Variants in DCLK1 observed in about 807,000 individuals in gnomAD.
DCLK1 encodes the protein serine/threonine-protein kinase DCLK1.
Under a neutral mutation model 86.2 loss-of-function variants are expected in DCLK1, and 16 were observed. That is an observed-to-expected ratio of 0.19 (90% CI 0.13 to 0.28). The LOEUF is 0.28. Among genes scored for constraint, DCLK1 ranks in the 10% least tolerant of loss-of-function variants. The probability of loss-of-function intolerance (pLI) is 1.00; values close to 1 mark genes in which losing one functional copy is unlikely to be tolerated. For synonymous variants in DCLK1, 369 were observed against 370.5 expected (o/e 1.00, Z 0.05); for missense variants, 590 against 940.2 (o/e 0.63, Z 4.87).
At chr13:35,957,263 A>G (rs1878037398) in intron 3 of DCLK1, among the ~76,000 whole-genome samples, 1 of 152,134 alleles carries the variant, frequency 6.6e-6, no homozygotes, top group Non-Finnish European at 1.5e-5. Flanking sequence ...ACCAAACCCA[A>G]CCCATAAAAT....
At position 36,123,972 on chromosome 13, in the gene DCLK1, C is replaced by T. The variant is rs1342056359; in HGVS notation, c.376+1790G>A. ...TGGATGGGAGTCATTGGAGTATCTTCGGCCACTTCTAAGTAAAGATCATTT... is the reference window on the plus strand; with the variant it reads ...TGGATGGGAGTCATTGGAGTATCTTTGGCCACTTCTAAGTAAAGATCATTT... On this transcript the variant is annotated intron_variant, in intron 2 of 16. Coordinates refer to ENST00000360631, the MANE Select transcript of DCLK1 (RefSeq NM_001330071.2). 4.8e-4 allele frequency among the ~76,000 whole-genome samples: 73 copies of T among 152,188 alleles called. 2 individuals carry two copies. Among genetic ancestry groups the T allele is most frequent in the Admixed American group, 4.8e-3 (73 of 15,278 alleles).
intron 3 of DCLK1, among the ~76,000 whole-genome samples, chr13:36,033,159 CA>C (rs1270315278): frequency 6.6e-6 from 1 of 152,192 alleles, no homozygotes; most frequent in African/African-American, 2.4e-5. Context: ...ACGACATTTA[CA>C]TGCAGTTTGT....
intron 3 of DCLK1, among the ~76,000 whole-genome samples, chr13:36,058,212 T>TC (rs1883406730): frequency 6.6e-6 from 1 of 152,090 alleles, no homozygotes; most frequent in African/African-American, 2.4e-5. Flanking sequence ...TGAAGGAAAA[T>TC]CGAGTACAAT....
Position 35,774,398 on chromosome 13 carries a change from C to T in DCLK1, c.*137G>A. On this transcript the variant is annotated 3_prime_UTR_variant, in exon 17 of 17. Transcript: ENST00000360631. Reference sequence around the variant, plus strand: ...GTAAAGGGAAACCGCTACAAAGATACCTGAAAACACTTTCAGTTCTGCCAT... The same window carrying T: ...GTAAAGGGAAACCGCTACAAAGATATCTGAAAACACTTTCAGTTCTGCCAT... 2.8e-6 allele frequency: 3 copies of T among 1,072,012 alleles called. No homozygotes were observed. Among genetic ancestry groups the T allele is most frequent in the Non-Finnish European group, 2.6e-6 (2 of 758,054 alleles). 66.4% of individuals were successfully genotyped at this position (1,072,012 alleles called of 1,614,324 possible). A position where few individuals can be genotyped will look rare whatever the true frequency, so the allele number is the denominator to read the frequency against.
intron 16 of DCLK1, 148 bp downstream of exon 16, chr13:35,793,218 C>T: frequency 2.0e-6 from 1 of 503,522 alleles, no homozygotes; most frequent in Admixed American, 3.7e-5. Context: ...TATATAAGTC[C>T]CATACCTCCT....
chr13:36,060,382 G>T (rs1883496422), intron 3 of DCLK1, among the ~76,000 whole-genome samples: 3 of 151,896 alleles, frequency 2.0e-5, no homozygotes, highest in Admixed American at 1.3e-4. Context: ...CATTCTCAGT[G>T]GTACAGTGGC....
intron 3 of DCLK1, among the ~76,000 whole-genome samples, chr13:35,949,475 C>T (rs1400075946): frequency 6.6e-6 from 1 of 152,184 alleles, no homozygotes; most frequent in African/African-American, 2.4e-5. Context: ...GCTTCTGCAG[C>T]TGATAAATAT....
At chr13:36,083,741 C>G (rs1171981022) in intron 3 of DCLK1, among the ~76,000 whole-genome samples, 1 of 152,060 alleles carries the variant, frequency 6.6e-6, no homozygotes, top group Non-Finnish European at 1.5e-5. Context: ...TATGGAAGAC[C>G]CACTTTGTGA....
chr13:36,025,326 C>G (rs1881986866), intron 3 of DCLK1, among the ~76,000 whole-genome samples: 1 of 152,078 alleles, frequency 6.6e-6, no homozygotes, highest in East Asian at 1.9e-4. Context: ...AATATCCTAT[C>G]CAACAAATGG....
Position 35,854,521 on chromosome 13 carries a change from G to A in DCLK1, c.1013C>T (p.Pro338Leu), listed in dbSNP as rs1286887898. 6.2e-7 allele frequency: 1 copy of A among 1,604,556 alleles called. No homozygotes were observed. Among genetic ancestry groups the A allele is most frequent in the South Asian group, 1.1e-5 (1 of 89,252 alleles). ...TACCCTCTGCTTCCGCAGGCTTCCT[G>A]GGCTGGTGGGTGATGGGCTTGGCGA... Reference protein sequence around the residue: ...GKSPSPSPTSPGSLRKQRSSQ... With the variant: ...GKSPSPSPTSLGSLRKQRSSQ... Residue 338 changes from proline (P) to leucine (L), a missense_variant, in exon 6 of 17, where the codon CCA (proline) becomes CTA (leucine). Pro to Leu is a moderately conservative substitution (Grantham distance 98). Around this residue, in one of 6 missense-constraint regions of DCLK1, gnomAD observed 63 missense variants for 64.3 expected, o/e 0.98. Coordinates refer to ENST00000360631, the MANE Select transcript of DCLK1 (RefSeq NM_001330071.2).
chr13:35,840,547 G>C (rs1393321662), intron 6 of DCLK1, among the ~76,000 whole-genome samples: 2 of 152,310 alleles, frequency 1.3e-5, no homozygotes, highest in South Asian at 4.1e-4. Context: ...AAAGTTGAGA[G>C]ATGACCCTTG....
chr13:35,776,479 C>CT (rs749479869), intron 16 of DCLK1, among the ~76,000 whole-genome samples: 9 of 152,158 alleles, frequency 5.9e-5, no homozygotes, highest in East Asian at 5.8e-4. Flanking sequence ...CAGAGGCAGT[C>CT]AGATGTGGGG....
intron 3 of DCLK1, among the ~76,000 whole-genome samples, chr13:36,037,837 G>A (rs1244039358): frequency 6.6e-6 from 1 of 152,118 alleles, no homozygotes; most frequent in East Asian, 1.9e-4. Flanking sequence ...TCACATGTAT[G>A]TGATAATGTA....
chr13:35,947,775 C>T (rs1437632568), intron 3 of DCLK1, among the ~76,000 whole-genome samples: 4 of 152,130 alleles, frequency 2.6e-5, no homozygotes, highest in South Asian at 2.1e-4. Flanking sequence ...CTTTCCTCTT[C>T]GGAATGTAAT....
intron 6 of DCLK1, 130 bp downstream of exon 6, chr13:35,854,369 C>A: frequency 3.6e-6 from 2 of 560,344 alleles, no homozygotes; most frequent in Non-Finnish European, 5.6e-6. Flanking sequence ...AATAAGCAAC[C>A]CCTCATTGGT....
At chr13:35,881,927 A>T (rs1457666577) in intron 4 of DCLK1, among the ~76,000 whole-genome samples, 1 of 152,298 alleles carries the variant, frequency 6.6e-6, no homozygotes, top group Admixed American at 6.5e-5. Context: ...CTGGGCCTAC[A>T]CTCATTGGAT....
rs1258990098 is a variant in DCLK1, at chr13:35,769,288, AT to A, written c.*5246del. 5 of 152,218 alleles carry A rather than the reference AT, an allele frequency of 3.3e-5. No homozygotes were observed. The highest frequency in any genetic ancestry group is 9.6e-5 in the African/African-American group (4 of 41,506). The allele number at this position is 152,218 out of a possible 1,614,324, so 9.4% of individuals were successfully genotyped here. On this transcript the variant is annotated 3_prime_UTR_variant, in exon 17 of 17. Transcript: ENST00000360631. ...TCAGTATTTTCAAAAGAAATATTGA[AT>A]TTTTTTCTTGAGTCAAATTGAAACC...
rs1885130999 is a variant in DCLK1, at chr13:36,099,676, T to A, written c.723+12193A>T. On this transcript the variant is annotated intron_variant, in intron 3 of 16. Coordinates refer to ENST00000360631, the MANE Select transcript of DCLK1 (RefSeq NM_001330071.2). ...TTTTAAACATTAAAAGACATTTATGTTAAAAAGCTAAAGCACAATCATCTT... is the reference window on the plus strand; with the variant it reads ...TTTTAAACATTAAAAGACATTTATGATAAAAAGCTAAAGCACAATCATCTT... Among the ~76,000 whole-genome samples, 2 of 152,212 alleles carry A rather than the reference T, an allele frequency of 1.3e-5. 1 individual carries two copies. The highest frequency in any genetic ancestry group is 4.1e-4 in the South Asian group (2 of 4,830).
In DCLK1 at chr13:35,810,752, G is replaced by A. The variant is rs1288413555; in HGVS notation, c.1688+83C>T. On this transcript the variant is annotated intron_variant, in intron 12 of 16. Coordinates refer to ENST00000360631, the MANE Select transcript of DCLK1 (RefSeq NM_001330071.2). The stretch of plus-strand genomic sequence containing the variant: ...TGATAGCTAATTATGTCTGGATAGG[G>A]CACAGCAGTACTATTTTTCCTATTC... The A allele has an allele frequency of 5.3e-6, 8 of 1,519,636 alleles. No individual in the cohort carries two copies. The Admixed American group carries it at 7.6e-5, about 15-fold the overall frequency. The allele number at this position is 1,519,636 out of a possible 1,614,324, so 94.1% of individuals were successfully genotyped here.
Sources: allele counts gnomAD v4.1 joint callset (sites outside exome capture counted in the v4.1 genomes callset), GRCh38; gene constraint gnomAD v4.1.1; regional missense constraint gnomAD v4.1.1; transcripts MANE v1.5; gene names NCBI Gene and HGNC (gene_info 2026-07-23, HGNC 2026-07-21).